TENM2: variants seen among roughly 807,000 people sequenced by gnomAD.
TENM2 encodes teneurin-2.
Under a neutral mutation model 245.2 loss-of-function variants are expected in TENM2, and 52 were observed. The ratio of observed to expected loss-of-function variants is 0.21; its 90% CI spans 0.17 to 0.27. The LOEUF (loss-of-function observed/expected upper bound fraction) is 0.27. Ranked by LOEUF, TENM2 falls within the 10% of genes least tolerant of loss-of-function variation. The pLI is 1.00. For synonymous variants in TENM2, 1,363 were observed against 1,438.9 expected (o/e 0.95, Z 1.19); for missense variants, 3,046 against 3,666.8 (o/e 0.83, Z 4.37).
the TENM2 span, among the ~76,000 whole-genome samples, chr5:167,102,686 C>T: frequency 6.6e-6 from 1 of 152,170 alleles, no homozygotes; most frequent in African/African-American, 2.4e-5. Flanking sequence ...TGAGACATAG[C>T]CTCGCTCTGT....
chr5:167,509,071 G>C (rs772742457), intron 2 of TENM2, among the ~76,000 whole-genome samples: 1 of 152,166 alleles, frequency 6.6e-6, no homozygotes, highest in Non-Finnish European at 1.5e-5. Flanking sequence ...ACCCACCTCA[G>C]CCTCCAAAAG....
At chr5:167,691,323 C>T (rs1757418410) in intron 2 of TENM2, among the ~76,000 whole-genome samples, 1 of 152,166 alleles carries the variant, frequency 6.6e-6, no homozygotes, top group South Asian at 2.1e-4. Flanking sequence ...GAAATACTCT[C>T]TGCATCTTGG....
intron 2 of TENM2, among the ~76,000 whole-genome samples, chr5:167,517,902 C>T (rs1237823654): frequency 6.6e-6 from 1 of 151,964 alleles, no homozygotes; most frequent in Non-Finnish European, 1.5e-5. Context: ...AAGCATTCAG[C>T]AGGGGCCGGG....
At chr5:167,809,495 T>C (rs541365670) in intron 2 of TENM2, among the ~76,000 whole-genome samples, 2 of 152,286 alleles carry the variant, frequency 1.3e-5, no homozygotes, top group Admixed American at 1.3e-4. Context: ...ATGATCTTTC[T>C]TCCCCTGAAC....
At chr5:168,260,236 C>T (rs756968208) in intron 27 of TENM2, 47 bp from the exon 30 acceptor site, 4 of 1,608,712 alleles carry the variant, frequency 2.5e-6, no homozygotes, top group Non-Finnish European at 3.4e-6. Flanking sequence ...CTGCTGCTCT[C>T]CATCCATCAT....
chr5:167,048,841 G>T, the TENM2 span, among the ~76,000 whole-genome samples: 5 of 152,078 alleles, frequency 3.3e-5, no homozygotes, highest in Non-Finnish European at 5.9e-5. Context: ...GATGTCTGAG[G>T]TCTTTAATAA....
intron 27 of TENM2, 107 bp from the exon 30 acceptor site, chr5:168,260,175 TG>T: frequency 8.4e-7 from 1 of 1,185,054 alleles, no homozygotes; most frequent in Non-Finnish European, 1.2e-6. Flanking sequence ...CCCTCCCCTT[TG>T]GGCCCTACAC....
chr5:167,809,990 GC>G (rs1322582386), intron 2 of TENM2, among the ~76,000 whole-genome samples: 4 of 152,104 alleles, frequency 2.6e-5, no homozygotes, highest in Non-Finnish European at 5.9e-5. Flanking sequence ...GAATGAATTT[GC>G]TCTGCCGTCT....
the TENM2 span, among the ~76,000 whole-genome samples, chr5:166,999,693 A>T: frequency 6.6e-6 from 1 of 152,166 alleles, no homozygotes; most frequent in Non-Finnish European, 1.5e-5. Flanking sequence ...GTGGATGGTG[A>T]GCAGCATTCA....
At chr5:167,567,904 A>G (rs1206973948) in intron 2 of TENM2, among the ~76,000 whole-genome samples, 7 of 151,958 alleles carry the variant, frequency 4.6e-5, no homozygotes, top group African/African-American at 1.7e-4. Flanking sequence ...TGCCCACCAA[A>G]TCAACATGTC....
chr5:167,684,397 T>G (rs1756938767), intron 2 of TENM2, among the ~76,000 whole-genome samples: 1 of 152,226 alleles, frequency 6.6e-6, no homozygotes, highest in Non-Finnish European at 1.5e-5. Flanking sequence ...CACCACTTTC[T>G]GTATCTACCT....
intron 12 of TENM2, among the ~76,000 whole-genome samples, chr5:168,133,531 G>C (rs1168794967): frequency 6.6e-6 from 1 of 152,056 alleles, no homozygotes; most frequent in Non-Finnish European, 1.5e-5. Flanking sequence ...TTCAATGTAG[G>C]CTCCCATAAT....
At chr5:167,800,049 G>A (rs1765596988) in intron 2 of TENM2, among the ~76,000 whole-genome samples, 1 of 152,208 alleles carries the variant, frequency 6.6e-6, no homozygotes, top group Non-Finnish European at 1.5e-5. Flanking sequence ...GTTGTATGTA[G>A]ATCCACATGA....
At chr5:168,140,907 A>G (rs764244129) in intron 12 of TENM2, among the ~76,000 whole-genome samples, 9 of 152,168 alleles carry the variant, frequency 5.9e-5, no homozygotes, top group Non-Finnish European at 1.2e-4. Context: ...AGAGCCGTGC[A>G]GTGGAGGCCA....
At chr5:167,636,119 A>T (rs1056919877) in intron 2 of TENM2, among the ~76,000 whole-genome samples, 2 of 152,184 alleles carry the variant, frequency 1.3e-5, no homozygotes, top group African/African-American at 4.8e-5. Context: ...AATTATTTTT[A>T]AAATGTTTAG....
chr5:168,208,831 T>C (rs1762573839), intron 19 of TENM2, among the ~76,000 whole-genome samples: 1 of 152,056 alleles, frequency 6.6e-6, no homozygotes, highest in South Asian at 2.1e-4. Context: ...AAGAAAAAAC[T>C]AAAATTATAA....
At chr5:167,451,725 T>C (rs1458881124) in intron 2 of TENM2, among the ~76,000 whole-genome samples, 1 of 151,990 alleles carries the variant, frequency 6.6e-6, no homozygotes, top group Non-Finnish European at 1.5e-5. Context: ...CTGGGCTCAC[T>C]GCAAGCTCCG....
chr5:168,211,920 C>T (rs1011531304), intron 20 of TENM2, among the ~76,000 whole-genome samples, 166 bp downstream of exon 22: 1 of 152,076 alleles, frequency 6.6e-6, no homozygotes, highest in African/African-American at 2.4e-5. Flanking sequence ...TAAGCTTTAG[C>T]AATTATGAAA....
At chr5:167,742,376 A>G (rs1166702293) in intron 2 of TENM2, among the ~76,000 whole-genome samples, 1 of 151,978 alleles carries the variant, frequency 6.6e-6, no homozygotes, top group Non-Finnish European at 1.5e-5. Context: ...ATTAAAAAAA[A>G]AAAAACCCTG....
Sources: allele counts gnomAD v4.1 joint callset (sites outside exome capture counted in the v4.1 genomes callset), GRCh38; gene constraint gnomAD v4.1.1; transcripts MANE v1.5; gene names NCBI Gene and HGNC (gene_info 2026-07-23, HGNC 2026-07-21).